The following ACYP2 variants were observed in gnomAD, a reference collection of about 807,000 sequenced individuals.
The protein encoded by ACYP2 is acylphosphatase 2, also known as acylphosphatase-2.
A neutral mutation model predicts 11.2 loss-of-function variants in ACYP2; 12 were observed. The observed-to-expected ratio is 1.08, with a 90% CI of 0.69 to 1.74. The LOEUF (loss-of-function observed/expected upper bound fraction) is 1.74. Ranked by LOEUF, ACYP2 falls within the 40% of genes most tolerant of loss-of-function variation. The pLI is 0.00. For synonymous variants in ACYP2, 43 were observed against 32.2 expected, an observed-to-expected ratio of 1.33 and a Z score of -1.13; for missense variants, 134 against 101.9, an observed-to-expected ratio of 1.31 and a Z score of -1.35.
rs190703851 is a variant in ACYP2 at position 54,227,465 on chromosome 2, C to A, written c.405-77223C>A. Among the ~76,000 whole-genome samples the A allele has an allele frequency of 5.1e-3, 783 of 152,114 alleles. 10 individuals carry two copies. The highest frequency in any genetic ancestry group is 0.018 in the African/African-American group (749 of 41,468). On this transcript the variant is annotated intron_variant, in intron 6 of 6. Transcript: ENST00000607452. Reference sequence around the variant, plus strand: ...ACCATCCTGACCAACATGGTGAAAGCCCGTCTCTACTAAAATACAAAAAAT... The same window carrying A: ...ACCATCCTGACCAACATGGTGAAAGACCGTCTCTACTAAAATACAAAAAAT...
At chr2:54,084,945 A>T (rs897815970) in intron 4 of ACYP2, 8 of 152,150 alleles carry the variant, frequency 5.3e-5, no homozygotes, top group Admixed American at 6.5e-5. Flanking sequence ...AGATGTGATG[A>T]TGGTAATGTG....
intron 6 of ACYP2, among the ~76,000 whole-genome samples, chr2:54,300,788 AAG>A (rs1416438267): frequency 2.6e-5 from 4 of 152,202 alleles, no homozygotes; most frequent in Non-Finnish European, 5.9e-5. Flanking sequence ...CCCTTTCAAA[AAG>A]CTGTACAATT....
At chr2:54,256,177 G>C (rs182053943) in intron 6 of ACYP2, 3 of 1,591,088 alleles carry the variant, frequency 1.9e-6, no homozygotes, top group Non-Finnish European at 2.6e-6. Context: ...GGCAGCAGTG[G>C]GTAGAGGCCA....
intron 2 of ACYP2, among the ~76,000 whole-genome samples, chr2:54,000,842 T>C (rs1672763507): frequency 6.6e-6 from 1 of 152,224 alleles, no homozygotes; most frequent in South Asian, 2.1e-4. Context: ...AAAGGGGATA[T>C]GGAAGGGCAA....
intron 2 of ACYP2, among the ~76,000 whole-genome samples, chr2:53,997,526 G>A (rs1206096077): frequency 6.1e-5 from 9 of 147,282 alleles, no homozygotes; most frequent in Non-Finnish European, 1.4e-4. Flanking sequence ...GGCTGATCTC[G>A]AACTCCTGAC....
At chr2:54,250,708 T>G (rs540221572) in intron 6 of ACYP2, among the ~76,000 whole-genome samples, 4 of 152,356 alleles carry the variant, frequency 2.6e-5, no homozygotes, top group African/African-American at 9.6e-5. Flanking sequence ...AAAGAAAAAC[T>G]ACTTCATTTT....
At chr2:54,285,549 C>G (rs1037745316) in intron 6 of ACYP2, among the ~76,000 whole-genome samples, 3 of 152,240 alleles carry the variant, frequency 2.0e-5, no homozygotes, top group African/African-American at 7.2e-5. Flanking sequence ...GTGTCCAAAA[C>G]AGAACACTCA....
intron 6 of ACYP2, among the ~76,000 whole-genome samples, chr2:54,224,607 T>A (rs1685932111): frequency 6.6e-6 from 1 of 152,356 alleles, no homozygotes. Flanking sequence ...AAGGAAAGCA[T>A]GCCAAACAGG....
chr2:53,988,432 G>C (rs1041692128), intron 2 of ACYP2, among the ~76,000 whole-genome samples: 1 of 152,014 alleles, frequency 6.6e-6, no homozygotes, highest in Non-Finnish European at 1.5e-5. Flanking sequence ...ACAGGGTCTT[G>C]CTCTGTCACC....
chr2:54,038,757 A>C (rs867483378), intron 2 of ACYP2, among the ~76,000 whole-genome samples: 4 of 131,078 alleles, frequency 3.1e-5, no homozygotes, highest in Non-Finnish European at 6.5e-5. Context: ...AGATGAAAAA[A>C]CCCCCACCTT....
intron 6 of ACYP2, among the ~76,000 whole-genome samples, chr2:54,208,490 A>G (rs1208363230): frequency 6.6e-6 from 1 of 152,116 alleles, no homozygotes; most frequent in Non-Finnish European, 1.5e-5. Context: ...TGATCTCTAC[A>G]TGACTTTCCA....
chr2:54,164,828 T>C (rs1475172170), intron 6 of ACYP2, among the ~76,000 whole-genome samples: 1 of 152,190 alleles, frequency 6.6e-6, no homozygotes, highest in Non-Finnish European at 1.5e-5. Flanking sequence ...CCCACAGCCA[T>C]TAGGTATTTG....
chr2:54,058,372 C>G (rs905208905), intron 4 of ACYP2, among the ~76,000 whole-genome samples: 1 of 150,272 alleles, frequency 6.7e-6, no homozygotes, highest in African/African-American at 2.4e-5. Context: ...GCTTTTAAAT[C>G]TTCAGTAGTT....
At chr2:53,985,472 C>T (rs1671988253) in intron 2 of ACYP2, among the ~76,000 whole-genome samples, 1 of 152,148 alleles carries the variant, frequency 6.6e-6, no homozygotes, top group East Asian at 1.9e-4. Context: ...GGAAAATACC[C>T]AACAGAAATG....
intron 4 of ACYP2, among the ~76,000 whole-genome samples, chr2:54,096,831 G>A (rs1678618056): frequency 1.4e-5 from 2 of 138,872 alleles, no homozygotes; most frequent in South Asian, 4.7e-4. Context: ...TGGAAAGAGA[G>A]GGAGAGGGAG....
chr2:54,211,469 T>G (rs1488937836), intron 6 of ACYP2, among the ~76,000 whole-genome samples: 1 of 152,266 alleles, frequency 6.6e-6, no homozygotes, highest in Non-Finnish European at 1.5e-5. Context: ...GTTCTTGCTC[T>G]GCTAATCCCA....
At position 54,119,051 on chromosome 2, in the gene ACYP2, C is replaced by CTTTTTTTT. The variant is rs10542497; in HGVS notation, c.278-16377_278-16370dup. Among the ~76,000 whole-genome samples, 31 of 43,772 alleles carry CTTTTTTTT rather than the reference C, an allele frequency of 7.1e-4. 6 individuals are homozygous for CTTTTTTTT. The highest frequency in any genetic ancestry group is 2.7e-3 in the African/African-American group (26 of 9,480). The allele number at this position is 43,772 out of a possible 152,430, so 28.7% of individuals were successfully genotyped here. A position where few individuals can be genotyped will look rare whatever the true frequency, so the allele number is the denominator to read the frequency against. Reference sequence around the variant, plus strand: ...GAAGTGGGATTTGAATCTTAGTAGTCTTTTTTTTTTTTTTTTTTTTTTTTT... The same window carrying CTTTTTTTT: ...GAAGTGGGATTTGAATCTTAGTAGTCTTTTTTTTTTTTTTTTTTTTTTTTTTTTTTTTT... On this transcript the variant is annotated intron_variant, in intron 4 of 6. Coordinates refer to ENST00000607452, the MANE Select transcript of ACYP2 (RefSeq NM_001320586.2).
chr2:54,121,136 G>C (rs1680132484), intron 4 of ACYP2, among the ~76,000 whole-genome samples: 1 of 152,210 alleles, frequency 6.6e-6, no homozygotes, highest in African/African-American at 2.4e-5. Flanking sequence ...GGACACTGGA[G>C]AGTGAACAAG....
intron 2 of ACYP2, among the ~76,000 whole-genome samples, chr2:54,046,778 A>G (rs1201111142): frequency 6.6e-6 from 1 of 152,144 alleles, no homozygotes; most frequent in Non-Finnish European, 1.5e-5. Flanking sequence ...TGAAATTATT[A>G]ATAATTTTTG....
Sources: gnomAD v4.1 joint callset for allele counts (sites outside exome capture counted in the v4.1 genomes callset) on GRCh38, gnomAD v4.1.1 for gene constraint, MANE v1.5 for transcripts, NCBI Gene and HGNC (gene_info 2026-07-23, HGNC 2026-07-21) for gene names.